The following PDPR variants were observed in gnomAD, a reference collection of about 807,000 sequenced individuals.
PDPR encodes the protein pyruvate dehydrogenase phosphatase regulatory subunit, mitochondrial.
Under a neutral mutation model 102.2 loss-of-function variants are expected in PDPR, and 50 were observed. The ratio of observed to expected loss-of-function variants is 0.49; its 90% CI spans 0.39 to 0.62. The LOEUF (loss-of-function observed/expected upper bound fraction) is 0.62. Ranked by LOEUF, PDPR falls within the 20% of genes least tolerant of loss-of-function variation. The pLI is 0.00. For missense variants in PDPR, 625 were observed against 1,098.2 expected, an observed-to-expected ratio of 0.57 and a Z score of 6.09; for synonymous variants, 259 against 406.0, an observed-to-expected ratio of 0.64 and a Z score of 4.35.
At chr16:70,135,696 A>T (rs1480565762) in intron 9 of PDPR, among the ~76,000 whole-genome samples, 1 of 152,272 alleles carries the variant, frequency 6.6e-6, no homozygotes, top group Non-Finnish European at 1.5e-5. Flanking sequence ...CTTTATACCA[A>T]GTATTTTGCA....
chr16:70,122,865 A>G (rs1963481336), intron 3 of PDPR, among the ~76,000 whole-genome samples: 1 of 151,778 alleles, frequency 6.6e-6, no homozygotes, highest in South Asian at 2.1e-4. Context: ...ACACACACAC[A>G]CACCAGTTTA....
intron 3 of PDPR, among the ~76,000 whole-genome samples, chr16:70,121,689 C>CAA (rs145401299): frequency 1.6e-4 from 22 of 141,228 alleles, no homozygotes; most frequent in East Asian, 6.9e-4. Flanking sequence ...GAGACTGTCT[C>CAA]AAAAAAAAAA....
chr16:70,163,065 T>C (rs1967926097), downstream of PDPR, among the ~76,000 whole-genome samples: 1 of 152,250 alleles, frequency 6.6e-6, no homozygotes, highest in Non-Finnish European at 1.5e-5. Flanking sequence ...TTTCCTGCCT[T>C]AGCCTCCAGA....
chr16:70,114,568 C>T (rs996534124), intron 1 of PDPR, 128 bp downstream of exon 1: 7 of 152,436 alleles, frequency 4.6e-5, no homozygotes, highest in African/African-American at 1.4e-4. Context: ...CTCACGCTTC[C>T]AGTGGGTTCC....
At chr16:70,132,722 A>C (rs1343362519) in intron 9 of PDPR, among the ~76,000 whole-genome samples, 2 of 152,148 alleles carry the variant, frequency 1.3e-5, no homozygotes, top group Non-Finnish European at 2.9e-5. Context: ...TCCAAGGCTC[A>C]AGTGATCCCT....
At position 70,161,294 on chromosome 16, in the gene PDPR, A is replaced by C. The variant is rs1305398355; in HGVS notation, c.*4415A>C. The C allele has an allele frequency of 1.3e-5, 2 of 152,970 alleles. No homozygotes were observed. The highest frequency in any genetic ancestry group is 4.8e-5 in the African/African-American group (2 of 41,452). The allele number at this position is 152,970 out of a possible 1,614,324, so 9.5% of individuals were successfully genotyped here. On this transcript the variant is annotated 3_prime_UTR_variant, in exon 19 of 19. Transcript: ENST00000288050. ...AGACTCTTGTCTCAAAAAAAAAAAA[A>C]AAAAAATCTAAGATAGAGGTTTGGT...
chr16:70,134,661 C>T (rs1378096054), intron 9 of PDPR, among the ~76,000 whole-genome samples: 3 of 151,772 alleles, frequency 2.0e-5, no homozygotes, highest in Non-Finnish European at 4.4e-5. Flanking sequence ...TGGCGCACAC[C>T]TGTAACGCCA....
intron 3 of PDPR, among the ~76,000 whole-genome samples, chr16:70,123,210 A>C (rs1431532303): frequency 3.9e-5 from 6 of 152,054 alleles, no homozygotes. Context: ...CCCGCAGTGG[A>C]TACTTTTAAG....
chr16:70,149,934 G>C (rs1458572731), intron 17 of PDPR, among the ~76,000 whole-genome samples: 1 of 152,130 alleles, frequency 6.6e-6, no homozygotes, highest in Non-Finnish European at 1.5e-5. Flanking sequence ...GGGACTACAG[G>C]CGCCTGCCAC....
chr16:70,115,550 C>T lies in PDPR; in HGVS notation c.-33+620C>T, dbSNP rs1311927893. ...GAATCTGTCATTTTTAAACAAGTGT[C>T]CCAGGTGGTTCTTTTGCTGAGGCAA... On this transcript the variant is annotated intron_variant, in intron 2 of 18. Coordinates refer to ENST00000288050, the MANE Select transcript of PDPR (RefSeq NM_017990.5). Among the ~76,000 whole-genome samples the T allele has an allele frequency of 4.6e-5, 7 of 152,160 alleles. 1 individual carries two copies. Among genetic ancestry groups the T allele is most frequent in the Admixed American group, 4.6e-4 (7 of 15,266 alleles).
In PDPR at chr16:70,146,355, A is replaced by G. The variant is rs1966242007; in HGVS notation, c.1962+127A>G. The stretch of plus-strand genomic sequence containing the variant: ...GTGTCTTGGCTGGGTGAGGTGGCAC[A>G]TGCCTGTAATCCTAGCACTTTGGGA... On this transcript the variant is annotated intron_variant, in intron 16 of 18. Transcript: ENST00000288050. 4 of 1,441,142 alleles carry G rather than the reference A, an allele frequency of 2.8e-6. No individual in the cohort carries two copies. In the East Asian group the frequency reaches 9.8e-5, roughly 35 times the overall value. 89.3% of individuals were successfully genotyped at this position (1,441,142 alleles called of 1,614,324 possible).
chr16:70,146,033 A>C, intron 15 of PDPR, 101 bp from the exon 16 acceptor site: 2 of 1,411,020 alleles, frequency 1.4e-6, no homozygotes, highest in East Asian at 4.7e-5. Flanking sequence ...TGGTCTCTGC[A>C]CCCAGGCCTG....
intron 17 of PDPR, among the ~76,000 whole-genome samples, chr16:70,151,528 A>C (rs1287826638): frequency 2.0e-5 from 3 of 152,294 alleles, no homozygotes; most frequent in South Asian, 4.1e-4. Context: ...ATTTAAACAG[A>C]TGCAGCTGCC....
At chr16:70,133,920 A>G (rs1964826407) in intron 9 of PDPR, among the ~76,000 whole-genome samples, 1 of 151,954 alleles carries the variant, frequency 6.6e-6, no homozygotes, top group South Asian at 2.1e-4. Flanking sequence ...TTTAGTAGAG[A>G]CAGGGTTTCT....
chr16:70,132,817 T>C lies in PDPR; in HGVS notation c.997+517T>C, dbSNP rs1271322346. ...TGTGTGTGTTTAGTCATCTCTATCA[T>C]TTTGTGTGTGTGTGAGATGGCGTCT... On this transcript the variant is annotated intron_variant, in intron 9 of 18. Coordinates refer to ENST00000288050, the MANE Select transcript of PDPR (RefSeq NM_017990.5). Among the ~76,000 whole-genome samples, 4 of 152,154 alleles carry C rather than the reference T, an allele frequency of 2.6e-5. No homozygotes were observed. In the East Asian group the frequency reaches 7.7e-4, roughly 29 times the overall value.
chr16:70,153,607 G>A lies in PDPR; in HGVS notation c.2235+34G>A, dbSNP rs1436938300. 3 of 1,555,152 alleles carry A rather than the reference G, an allele frequency of 1.9e-6. No homozygotes were observed. The South Asian group carries it at 3.6e-5, about 19-fold the overall frequency. ...TTTACCCAGACTCCACTTTCACTCA[G>A]CATCCCGAGTAGTGAATCTGCACTA... On this transcript the variant is annotated intron_variant, in intron 18 of 18. Transcript: ENST00000288050.
At position 70,127,470 on chromosome 16, in the gene PDPR, C is replaced by G; in HGVS notation, c.361+77C>G. The stretch of plus-strand genomic sequence containing the variant: ...TTCATTTCTGTATTTGGTCCTCTGC[C>G]AGGTGTGCCTGCTGCTTTGGTAATT... On this transcript the variant is annotated intron_variant, in intron 4 of 18. Transcript: ENST00000288050. 4.5e-6 allele frequency: 7 copies of G among 1,569,930 alleles called. No homozygotes were observed. The South Asian group carries it at 7.2e-5, about 16-fold the overall frequency.
chr16:70,129,521 G>GT, intron 6 of PDPR, among the ~76,000 whole-genome samples: 1 of 152,276 alleles, frequency 6.6e-6, no homozygotes, highest in Non-Finnish European at 1.5e-5. Context: ...ATTTTTTTGT[G>GT]TATTTTTAGT....
At chr16:70,120,931 CTTTTTTTTTTTT>C (rs71385643) in intron 3 of PDPR, among the ~76,000 whole-genome samples, 77 of 103,042 alleles carry the variant, frequency 7.5e-4, no homozygotes, top group African/African-American at 2.5e-3. Flanking sequence ...TTTCGTTTTC[CTTTTTTTTTTTT>C]TTTTTTTTTT....
Sources: allele counts gnomAD v4.1 joint callset (sites outside exome capture counted in the v4.1 genomes callset), GRCh38; gene constraint gnomAD v4.1.1; transcripts MANE v1.5; gene names NCBI Gene and HGNC (gene_info 2026-07-23, HGNC 2026-07-21).